MAGI2: variants seen among roughly 807,000 people sequenced by gnomAD.
The protein encoded by MAGI2 is membrane associated guanylate kinase, WW and PDZ domain containing 2.
A neutral mutation model predicts 133.3 loss-of-function variants in MAGI2; 35 were observed. That is an observed-to-expected ratio of 0.26 (90% CI 0.20 to 0.35). The LOEUF (loss-of-function observed/expected upper bound fraction) is 0.35. Among genes scored for constraint, MAGI2 ranks in the 10% least tolerant of loss-of-function variants. The probability of loss-of-function intolerance (pLI) is 1.00; values close to 1 mark genes in which losing one functional copy is unlikely to be tolerated. For missense variants in MAGI2, 1,636 were observed against 1,863.4 expected (o/e 0.88, Z 2.25); for synonymous variants, 729 against 710.6 (o/e 1.03, Z -0.41).
At chr7:79,364,448 T>C (rs1275355968) in intron 1 of MAGI2, among the ~76,000 whole-genome samples, 1 of 152,092 alleles carries the variant, frequency 6.6e-6, no homozygotes, top group Non-Finnish European at 1.5e-5. Context: ...CACAATGTTG[T>C]ACACTATACA....
intron 6 of MAGI2, among the ~76,000 whole-genome samples, chr7:78,422,199 AG>A (rs1306482058): frequency 1.3e-5 from 2 of 152,162 alleles, no homozygotes; most frequent in Admixed American, 1.3e-4. Context: ...AGAATGGAGC[AG>A]GGATGAACTC....
chr7:78,470,844 C>A (rs780993854), intron 6 of MAGI2, among the ~76,000 whole-genome samples: 7 of 152,108 alleles, frequency 4.6e-5, no homozygotes, highest in Admixed American at 2.6e-4. Context: ...ATAAAGCTGT[C>A]ATTTCAATGA....
intron 9 of MAGI2, among the ~76,000 whole-genome samples, chr7:78,282,093 T>C (rs1303838960): frequency 6.6e-6 from 1 of 152,150 alleles, no homozygotes; most frequent in Non-Finnish European, 1.5e-5. Context: ...AGAGATGATA[T>C]ATGGGAAGGT....
chr7:78,521,643 T>C lies in MAGI2; in HGVS notation c.541A>G (p.Asn181Asp). The change falls in exon 4 of 22, where the codon AAT becomes GAT. Residue 181 changes from asparagine to aspartate, a missense_variant and splice_region_variant. Transcript: ENST00000354212. Reference sequence around the variant, plus strand: ...GGCGGCTTTGGGGTACCGTAGTAATTGTCTGCAAACAATACCAAAACATTC... The same window carrying C: ...GGCGGCTTTGGGGTACCGTAGTAATCGTCTGCAAACAATACCAAAACATTC... ...ALLESGTYED[N>D]YYGTPKPPAE... 1 of 1,613,824 alleles carries C rather than the reference T, an allele frequency of 6.2e-7. No homozygotes were observed. The highest frequency in any genetic ancestry group is 8.5e-7 in the Non-Finnish European group (1 of 1,179,694).
intron 2 of MAGI2, among the ~76,000 whole-genome samples, chr7:78,888,128 A>T (rs1050376171): frequency 6.6e-6 from 1 of 152,204 alleles, no homozygotes; most frequent in Non-Finnish European, 1.5e-5. Flanking sequence ...AACCTCGCTC[A>T]TTGCTAGCAC....
intron 14 of MAGI2, among the ~76,000 whole-genome samples, chr7:78,171,275 G>T (rs1826084717): frequency 6.6e-6 from 1 of 152,148 alleles, no homozygotes; most frequent in Non-Finnish European, 1.5e-5. Flanking sequence ...ACTCATATTG[G>T]TTTCCCAATG....
intron 1 of MAGI2, among the ~76,000 whole-genome samples, chr7:79,429,973 TG>T (rs1847666208): frequency 6.6e-6 from 1 of 152,180 alleles, no homozygotes; most frequent in South Asian, 2.1e-4. Context: ...TGCTAATCGA[TG>T]AAAAATGTTC....
At chr7:78,100,805 T>C (rs970949911) in intron 20 of MAGI2, among the ~76,000 whole-genome samples, 1 of 152,176 alleles carries the variant, frequency 6.6e-6, no homozygotes, top group Non-Finnish European at 1.5e-5. Context: ...TAGAAAATAC[T>C]AGAGAATTTA....
chr7:79,143,456 T>C (rs533319894), intron 1 of MAGI2, among the ~76,000 whole-genome samples: 87 of 152,302 alleles, frequency 5.7e-4, no homozygotes, highest in African/African-American at 1.9e-3. Context: ...ATTACACATT[T>C]TCACAGTTCT....
At chr7:79,191,456 T>C (rs973904625) in intron 1 of MAGI2, among the ~76,000 whole-genome samples, 1 of 130,686 alleles carries the variant, frequency 7.7e-6, no homozygotes, top group African/African-American at 2.8e-5. Flanking sequence ...TCTCACTGTG[T>C]CACCTGGGCT....
intron 2 of MAGI2, among the ~76,000 whole-genome samples, chr7:78,790,491 T>C (rs1163915403): frequency 1.3e-5 from 2 of 152,040 alleles, no homozygotes; most frequent in Non-Finnish European, 2.9e-5. Flanking sequence ...TGGAGTGCAG[T>C]GTTGGGATCT....
intron 2 of MAGI2, among the ~76,000 whole-genome samples, chr7:78,649,236 G>GA (rs3085451): frequency 0.32 from 27,631 of 86,704 alleles, 3,284 homozygotes; most frequent in Non-Finnish European, 0.34. Flanking sequence ...AAAAAAAAAA[G>GA]AAAAAAAAAG....
At chr7:78,098,198 C>G (rs1470793656) in intron 20 of MAGI2, among the ~76,000 whole-genome samples, 1 of 152,124 alleles carries the variant, frequency 6.6e-6, no homozygotes, top group East Asian at 1.9e-4. Context: ...TGCTTTCTGA[C>G]TTTATTCCTC....
chr7:78,544,975 A>C (rs1798703152), intron 3 of MAGI2, among the ~76,000 whole-genome samples: 1 of 151,434 alleles, frequency 6.6e-6, no homozygotes, highest in African/African-American at 2.4e-5. Context: ...TTAATTTCGT[A>C]ATCTAGTATC....
chr7:78,168,609 A>T (rs75749883), intron 14 of MAGI2, among the ~76,000 whole-genome samples: 21,457 of 152,010 alleles, frequency 0.14, 1,896 homozygotes, highest in Non-Finnish European at 0.19. Flanking sequence ...AGCTTCTTAA[A>T]CTCTGTGAGC....
intron 1 of MAGI2, among the ~76,000 whole-genome samples, chr7:79,216,983 T>A (rs185224576): frequency 1.0e-3 from 158 of 152,218 alleles, no homozygotes; most frequent in Middle Eastern, 0.01. Context: ...GAAACATCAT[T>A]GTTAATTGAC....
chr7:78,069,572 G>GAGAGAGAGAGAGA (rs1198906942), intron 21 of MAGI2, among the ~76,000 whole-genome samples: 15 of 142,720 alleles, frequency 1.1e-4, no homozygotes, highest in South Asian at 4.5e-4. Flanking sequence ...GAGAGAGAGA[G>GAGAGAGAGAGAGA]GCTTCTGATT....
chr7:79,229,141 G>GA lies in MAGI2; in HGVS notation c.302-221936dup, dbSNP rs1210365074. Among the ~76,000 whole-genome samples the GA allele has an allele frequency of 9.6e-3, 1,343 of 140,172 alleles. 55 individuals are homozygous for GA. Among genetic ancestry groups the GA allele is most frequent in the Admixed American group, 0.064 (903 of 14,120 alleles). The allele number at this position is 140,172 out of a possible 152,430, so 92.0% of individuals were successfully genotyped here. A position where few individuals can be genotyped will look rare whatever the true frequency, so the allele number is the denominator to read the frequency against. The stretch of plus-strand genomic sequence containing the variant: ...ATTCCTAGATTTGTACTAAGCACAG[G>GA]AAAAAAAAAAACAACAACATAAGAC... On this transcript the variant is annotated intron_variant, in intron 1 of 21. Coordinates refer to ENST00000354212, the MANE Select transcript of MAGI2 (RefSeq NM_012301.4).
chr7:78,287,191 G>A (rs965763906), intron 9 of MAGI2, among the ~76,000 whole-genome samples: 1 of 152,114 alleles, frequency 6.6e-6, no homozygotes, highest in Admixed American at 6.6e-5. Flanking sequence ...AACAGACAAC[G>A]AGGTCCTGAA....
Sources: allele counts gnomAD v4.1 joint callset (sites outside exome capture counted in the v4.1 genomes callset), GRCh38; gene constraint gnomAD v4.1.1; transcripts MANE v1.5; gene names NCBI Gene and HGNC (gene_info 2026-07-23, HGNC 2026-07-21).